The following CHN2 variants were observed in gnomAD, a reference collection of about 807,000 sequenced individuals.
The protein encoded by CHN2 is beta-chimaerin.
CHN2 carries 35 observed loss-of-function variants against 56.3 expected under a neutral mutation model. That is an observed-to-expected ratio of 0.62 (90% CI 0.47 to 0.82). The LOEUF (loss-of-function observed/expected upper bound fraction) is 0.82, where lower values mean the gene tolerates loss of function less well. Ranked by LOEUF, CHN2 falls within the 40% of genes least tolerant of loss-of-function variation. The pLI is 0.00. For synonymous variants in CHN2, 210 were observed against 212.8 expected, an observed-to-expected ratio of 0.99 and a Z score of 0.12; for missense variants, 491 against 580.5, an observed-to-expected ratio of 0.85 and a Z score of 1.58.
chr7:29,511,828 G>GAGAT (rs72334977), intron 12 of CHN2, among the ~76,000 whole-genome samples: 9 of 151,774 alleles, frequency 5.9e-5, no homozygotes, highest in African/African-American at 9.7e-5. Context: ...AAAACTCTGG[G>GAGAT]AGATAGATAG....
chr7:29,403,910 A>G (rs755411044), intron 6 of CHN2, among the ~76,000 whole-genome samples: 1 of 152,244 alleles, frequency 6.6e-6, no homozygotes, highest in Non-Finnish European at 1.5e-5. Context: ...GAGATTTAAC[A>G]TGAGCTCAGA....
At chr7:29,424,766 T>A (rs1252331237) in intron 6 of CHN2, among the ~76,000 whole-genome samples, 1 of 152,248 alleles carries the variant, frequency 6.6e-6, no homozygotes, top group Non-Finnish European at 1.5e-5. Flanking sequence ...GTTTAAGTAC[T>A]GCCTCGTCCA....
At chr7:29,201,220 C>G (rs1784134673) in intron 1 of CHN2, among the ~76,000 whole-genome samples, 1 of 152,182 alleles carries the variant, frequency 6.6e-6, no homozygotes, top group Admixed American at 6.5e-5. Context: ...AGTTGTTTCA[C>G]AGATTCCAAC....
rs761253400 is a variant in CHN2, at chr7:29,400,802, C to A, written c.550C>A (p.His184Asn). Residue 184 changes from histidine to asparagine, a missense_variant, in exon 6 of 13, where the codon CAT becomes AAT. Transcript: ENST00000222792. ...TGAACCAAGAAAAACAAACGTCACA[C>A]ATGAAGAACACACAGCGGTGGAAAA... ...KNEPRKTNVT[H>N]EEHTAVEKIS... The A allele has an allele frequency of 6.2e-7, 1 of 1,613,942 alleles. No individual in the cohort carries two copies. The highest frequency in any genetic ancestry group is 1.7e-5 in the Admixed American group (1 of 59,980).
chr7:29,232,031 A>T (rs1318651818), intron 1 of CHN2, among the ~76,000 whole-genome samples: 1 of 152,182 alleles, frequency 6.6e-6, no homozygotes, highest in Non-Finnish European at 1.5e-5. Context: ...TTGTTTCTGA[A>T]TCATAGAATT....
chr7:29,248,771 T>C (rs1788269774), intron 1 of CHN2, among the ~76,000 whole-genome samples: 1 of 152,152 alleles, frequency 6.6e-6, no homozygotes, highest in Admixed American at 6.5e-5. Context: ...AGGCTCTACT[T>C]TGAGAGACAC....
At chr7:29,449,567 T>C (rs1233133845) in intron 6 of CHN2, among the ~76,000 whole-genome samples, 37 of 152,238 alleles carry the variant, frequency 2.4e-4, no homozygotes, top group Admixed American at 2.4e-3. Flanking sequence ...CGTAAAGTAT[T>C]TACTGTTGGT....
rs3812352 is a variant in CHN2, at chr7:29,279,684, G to C, written c.50-74941G>C. On this transcript the variant is annotated intron_variant, in intron 1 of 12. Coordinates refer to ENST00000222792, the MANE Select transcript of CHN2 (RefSeq NM_004067.4). ...GGAGGAAAGGCATTTTTGGGTTAGGGACCAGTGTGTCTAAGGCAGGAGCAG... is the reference window on the plus strand; with the variant it reads ...GGAGGAAAGGCATTTTTGGGTTAGGCACCAGTGTGTCTAAGGCAGGAGCAG... Among the ~76,000 whole-genome samples, 290 of 152,300 alleles carry C rather than the reference G, an allele frequency of 1.9e-3. 9 individuals are homozygous for C. In the East Asian group the frequency reaches 0.052, roughly 27 times the overall value.
intron 1 of CHN2, among the ~76,000 whole-genome samples, chr7:29,304,404 A>G (rs1793974208): frequency 6.6e-6 from 1 of 152,228 alleles, no homozygotes; most frequent in South Asian, 2.1e-4. Context: ...CCAAATTGTA[A>G]TTGTAGAGAG....
chr7:29,213,183 T>A lies in CHN2; in HGVS notation c.49+18193T>A. 3.7e-6 allele frequency: 5 copies of A among 1,368,678 alleles called. No homozygotes were observed. In the South Asian group the frequency reaches 5.8e-5, roughly 16 times the overall value. 84.8% of individuals were successfully genotyped at this position (1,368,678 alleles called of 1,614,324 possible). A position where few individuals can be genotyped will look rare whatever the true frequency, so the allele number is the denominator to read the frequency against. On this transcript the variant is annotated intron_variant, in intron 1 of 12. Coordinates refer to ENST00000222792, the MANE Select transcript of CHN2 (RefSeq NM_004067.4). ...ACAAACCATGGATTTATTCCTAAAC[T>A]ACTCCACGAACACGCAACCTGAAGA...
At chr7:29,337,655 T>C (rs1796726828) in intron 1 of CHN2, among the ~76,000 whole-genome samples, 1 of 152,216 alleles carries the variant, frequency 6.6e-6, no homozygotes, top group Non-Finnish European at 1.5e-5. Context: ...TGCATACATT[T>C]GTTCAAGCAT....
At position 29,504,803 on chromosome 7, in the gene CHN2, A is replaced by C. The variant is rs773889235; in HGVS notation, c.973A>C (p.Lys325Gln). ...SGFTEHIEDV[K>Q]MAFDRDGEKA... ...GTTCACTGAACACATTGAAGATGTC[A>C]AAATGGCATTTGACAGAGGTAAGCT... Residue 325 changes from lysine to glutamine, a missense_variant, in exon 10 of 13, where the codon AAA (lysine) becomes CAA (glutamine). Coordinates refer to ENST00000222792, the MANE Select transcript of CHN2 (RefSeq NM_004067.4). 1 of 1,613,188 alleles carries C rather than the reference A, an allele frequency of 6.2e-7. No homozygotes were observed. The highest frequency in any genetic ancestry group is 1.1e-5 in the South Asian group (1 of 91,064).
chr7:29,191,122 A>G (rs1183697426), upstream of CHN2, among the ~76,000 whole-genome samples: 1 of 151,988 alleles, frequency 6.6e-6, no homozygotes, highest in Non-Finnish European at 1.5e-5. Flanking sequence ...GTTTTTAGAG[A>G]TGAGGCCTCA....
chr7:29,358,137 T>C (rs1033718797), intron 2 of CHN2, among the ~76,000 whole-genome samples: 3 of 151,826 alleles, frequency 2.0e-5, no homozygotes, highest in African/African-American at 7.3e-5. Context: ...AGTAGCTATG[T>C]CCTTGTTTTC....
chr7:29,156,036 T>C (rs1486664951), intron 2 of CHN2, among the ~76,000 whole-genome samples: 3 of 152,156 alleles, frequency 2.0e-5, no homozygotes, highest in African/African-American at 7.2e-5. Flanking sequence ...TTCCCTTAAA[T>C]CAAAAGAGTG....
At chr7:29,174,512 A>T (rs187779874) in intron 2 of CHN2, among the ~76,000 whole-genome samples, 6 of 152,318 alleles carry the variant, frequency 3.9e-5, no homozygotes, top group Admixed American at 1.3e-4. Flanking sequence ...GCAGGATGGA[A>T]CATGGTAGAG....
intron 6 of CHN2, among the ~76,000 whole-genome samples, chr7:29,417,541 T>G (rs1803898869): frequency 6.6e-6 from 1 of 152,134 alleles, no homozygotes. Flanking sequence ...TTCACCGTGT[T>G]AGCCAAAAGT....
intron 1 of CHN2, among the ~76,000 whole-genome samples, chr7:29,311,435 T>A (rs1207993304): frequency 1.3e-5 from 2 of 152,234 alleles, no homozygotes. Context: ...ACTTACTTTG[T>A]GCCAGGTACT....
intron 1 of CHN2, among the ~76,000 whole-genome samples, chr7:29,259,618 A>G (rs910801480): frequency 6.6e-6 from 1 of 152,124 alleles, no homozygotes; most frequent in African/African-American, 2.4e-5. Flanking sequence ...CAGTTATAAG[A>G]TAAATAAATT....
Sources: gnomAD v4.1 joint callset for allele counts (sites outside exome capture counted in the v4.1 genomes callset) on GRCh38, gnomAD v4.1.1 for gene constraint, MANE v1.5 for transcripts, NCBI Gene and HGNC (gene_info 2026-07-23, HGNC 2026-07-21) for gene names.